ADAMTSL1: variants seen among roughly 807,000 people sequenced by gnomAD.
The protein encoded by ADAMTSL1 is ADAMTS-like protein 1.
In ADAMTSL1, 126 loss-of-function variants were observed where a neutral mutation model predicts 201.8. The observed-to-expected ratio is 0.62, with a 90% confidence interval of 0.54 to 0.72. The LOEUF (loss-of-function observed/expected upper bound fraction) is 0.72, where lower values mean the gene tolerates loss of function less well. ADAMTSL1 is among the 30% of genes least tolerant of loss of function. The pLI, the probability that ADAMTSL1 is intolerant of heterozygous loss-of-function variation, is 0.00. For missense variants in ADAMTSL1, 2,679 were observed against 2,277.8 expected, an observed-to-expected ratio of 1.18 and a Z score of -3.59; for synonymous variants, 1,121 against 903.4, an observed-to-expected ratio of 1.24 and a Z score of -4.32.
At chr9:18,826,069 A>G in intron 21 of ADAMTSL1, 2 of 622,354 alleles carry the variant, frequency 3.2e-6, no homozygotes, top group Non-Finnish European at 5.7e-6. Context: ...TTTATCTTGT[A>G]TCAACATTTA....
chr9:18,635,601 T>C (rs1827059919), intron 5 of ADAMTSL1, among the ~76,000 whole-genome samples: 2 of 152,214 alleles, frequency 1.3e-5, no homozygotes, highest in African/African-American at 2.4e-5. Flanking sequence ...TTAAACATTA[T>C]AATGTATTTT....
rs1189733685 is a variant in ADAMTSL1 at position 17,909,628 on chromosome 9, T to C, written c.87+2706T>C. 1.5e-4 allele frequency among the ~76,000 whole-genome samples: 10 copies of C among 68,040 alleles called. 4 individuals carry two copies. The highest frequency in any genetic ancestry group is 4.5e-4 in the Non-Finnish European group (10 of 22,346). 44.6% of individuals were successfully genotyped at this position (68,040 alleles called of 152,430 possible). A position where few individuals can be genotyped will look rare whatever the true frequency, so the allele number is the denominator to read the frequency against. On this transcript the variant is annotated intron_variant, in intron 1 of 29. Coordinates refer to the ADAMTSL1 transcript ENST00000680146. ...CTGGATTAAGAAAATGTGGCACATA[T>C]ACACCATGGAATACTATGCAGCCAT...
intron 1 of ADAMTSL1, among the ~76,000 whole-genome samples, chr9:18,061,295 T>A (rs533037622): frequency 1.3e-5 from 2 of 152,292 alleles, no homozygotes; most frequent in African/African-American, 4.8e-5. Context: ...ATGGTTAAGG[T>A]CGAGTAGCTT....
chr9:17,964,550 T>A (rs1428272628), intron 1 of ADAMTSL1, among the ~76,000 whole-genome samples: 1 of 135,910 alleles, frequency 7.4e-6, no homozygotes, highest in Admixed American at 8.0e-5. Context: ...CATACTCACA[T>A]AACAAAACTG....
chr9:18,430,569 G>A (rs1047888471), intron 2 of ADAMTSL1, among the ~76,000 whole-genome samples: 3 of 152,114 alleles, frequency 2.0e-5, no homozygotes, highest in African/African-American at 7.2e-5. Flanking sequence ...ATTTAAAAGG[G>A]TTTCATGTGA....
At chr9:18,817,888 G>T (rs183784765) in intron 21 of ADAMTSL1, among the ~76,000 whole-genome samples, 1 of 152,252 alleles carries the variant, frequency 6.6e-6, no homozygotes, top group East Asian at 1.9e-4. Flanking sequence ...ATCAGAAGTG[G>T]GCAGGAGTTA....
chr9:18,834,504 G>C (rs901788437), intron 23 of ADAMTSL1, among the ~76,000 whole-genome samples: 1 of 152,040 alleles, frequency 6.6e-6, no homozygotes, highest in African/African-American at 2.4e-5. Flanking sequence ...CATATTTAAA[G>C]TTTAAAATAT....
intron 5 of ADAMTSL1, among the ~76,000 whole-genome samples, chr9:18,633,310 G>C (rs776791): frequency 0.25 from 37,908 of 151,736 alleles, 5,744 homozygotes; most frequent in African/African-American, 0.43. Flanking sequence ...GCCCAGTCTC[G>C]GCCGGGTGTG....
At chr9:17,952,867 A>G (rs1018977059) in intron 1 of ADAMTSL1, among the ~76,000 whole-genome samples, 3 of 151,954 alleles carry the variant, frequency 2.0e-5, no homozygotes, top group African/African-American at 7.3e-5. Context: ...TCTGTACGCT[A>G]TGAGATAATA....
At chr9:18,385,262 T>A (rs1269752182) in intron 2 of ADAMTSL1, among the ~76,000 whole-genome samples, 1 of 152,106 alleles carries the variant, frequency 6.6e-6, no homozygotes, top group East Asian at 1.9e-4. Flanking sequence ...CTTGGACTAT[T>A]CCCTGGGTGT....
At chr9:18,680,554 A>C (rs1333881478) in intron 11 of ADAMTSL1, 38 bp downstream of exon 11, 1 of 1,603,978 alleles carries the variant, frequency 6.2e-7, no homozygotes, top group Non-Finnish European at 8.5e-7. Flanking sequence ...TAGGAGAGTA[A>C]GTCCACTCTT....
At chr9:17,914,076 G>A (rs185448555) in intron 1 of ADAMTSL1, among the ~76,000 whole-genome samples, 5 of 152,108 alleles carry the variant, frequency 3.3e-5, no homozygotes, top group African/African-American at 4.8e-5. Flanking sequence ...ATTCACAGCC[G>A]AATTCTATCA....
At chr9:18,813,306 G>C (rs1001639844) in intron 20 of ADAMTSL1, among the ~76,000 whole-genome samples, 11 of 152,068 alleles carry the variant, frequency 7.2e-5, no homozygotes, top group African/African-American at 2.7e-4. Flanking sequence ...TGGCTATTTG[G>C]GGTATTTTAT....
chr9:18,681,697 T>TGTGCGG (rs370940110), intron 11 of ADAMTSL1, 115 bp from the exon 12 acceptor site: 5 of 238,088 alleles, frequency 2.1e-5, no homozygotes, highest in Non-Finnish European at 3.3e-5. Context: ...AGTCCTCGTG[T>TGTGCGG]GGGGGGGGGG....
intron 7 of ADAMTSL1, among the ~76,000 whole-genome samples, chr9:18,639,618 A>G (rs1247968019): frequency 6.6e-6 from 1 of 152,124 alleles, no homozygotes; most frequent in East Asian, 1.9e-4. Context: ...GAAAATCTTT[A>G]TTATATAATT....
chr9:18,683,671 T>C (rs1179868242), intron 12 of ADAMTSL1, among the ~76,000 whole-genome samples: 1 of 152,230 alleles, frequency 6.6e-6, no homozygotes, highest in African/African-American at 2.4e-5. Flanking sequence ...TGACTATAAA[T>C]AATTGCTGTG....
At chr9:18,907,978 G>T (rs540068203) in intron 28 of ADAMTSL1, 1 of 183,360 alleles carries the variant, frequency 5.5e-6, no homozygotes, top group African/African-American at 2.4e-5. Context: ...GGCACCCGAC[G>T]CAAGTCTCAC....
chr9:18,604,599 C>T (rs770226775), intron 4 of ADAMTSL1, among the ~76,000 whole-genome samples: 1 of 152,040 alleles, frequency 6.6e-6, no homozygotes, highest in Non-Finnish European at 1.5e-5. Flanking sequence ...AATTACATTC[C>T]TTTTTAGAGC....
chr9:18,234,123 T>TG (rs1459647588), intron 2 of ADAMTSL1, among the ~76,000 whole-genome samples: 1 of 151,956 alleles, frequency 6.6e-6, no homozygotes, highest in Non-Finnish European at 1.5e-5. Flanking sequence ...GGTTTGGATG[T>TG]GGGGGGTGAG....
Sources: gnomAD v4.1 joint callset for allele counts (sites outside exome capture counted in the v4.1 genomes callset) on GRCh38, gnomAD v4.1.1 for gene constraint, MANE v1.5 for transcripts, NCBI Gene and HGNC (gene_info 2026-07-23, HGNC 2026-07-21) for gene names.